PCDHGB2: variants seen among roughly 807,000 people sequenced by gnomAD.
The protein encoded by PCDHGB2 is protocadherin gamma subfamily B, 2.
In PCDHGB2, 55 loss-of-function variants were observed where a neutral mutation model predicts 59.3. That is an observed-to-expected ratio of 0.93 (90% CI 0.75 to 1.16). PCDHGB2 has a LOEUF of 1.16. Ranked by LOEUF, PCDHGB2 falls within the 50% of genes most tolerant of loss-of-function variation. The pLI is 0.00. For synonymous variants in PCDHGB2, 516 were observed against 512.0 expected (o/e 1.01, Z -0.11); for missense variants, 1,228 against 1,198.5 (o/e 1.02, Z -0.36).
intron 1 of PCDHGB2, among the ~76,000 whole-genome samples, chr5:141,363,216 T>A (rs1186029128): frequency 6.6e-6 from 1 of 152,230 alleles, no homozygotes; most frequent in African/African-American, 2.4e-5. Context: ...TTGAGAAAAA[T>A]CTTACAACCT....
At chr5:141,372,379 T>TA (rs1390677977) in intron 1 of PCDHGB2, 1 of 1,613,888 alleles carries the variant, frequency 6.2e-7, no homozygotes, top group Non-Finnish European at 8.5e-7. Context: ...ATGCTGCACC[T>TA]AATCTTCGCA....
At chr5:141,394,847 G>T in intron 1 of PCDHGB2, 1 of 1,613,848 alleles carries the variant, frequency 6.2e-7, no homozygotes, top group South Asian at 1.1e-5. Context: ...TGGGCAGTCT[G>T]AAGCCTTCGG....
chr5:141,478,642 T>A (rs777741719), intron 1 of PCDHGB2: 1 of 1,552,350 alleles, frequency 6.4e-7, no homozygotes, highest in South Asian at 1.2e-5. Context: ...GTGATGAAGA[T>A]GTTTTCCTGG....
chr5:141,451,301 G>T (rs963686418), intron 1 of PCDHGB2, among the ~76,000 whole-genome samples: 3 of 152,196 alleles, frequency 2.0e-5, no homozygotes, highest in Non-Finnish European at 4.4e-5. Flanking sequence ...AGTCTTACAA[G>T]GCAGCAATTA....
Position 141,491,454 on chromosome 5 carries a change from C to T in PCDHGB2, c.2422-3353C>T. The T allele has an allele frequency of 1.9e-6, 3 of 1,614,120 alleles. No individual in the cohort carries two copies. The highest frequency in any genetic ancestry group is 2.5e-6 in the Non-Finnish European group (3 of 1,180,032). On this transcript the variant is annotated intron_variant, in intron 1 of 3. Coordinates refer to ENST00000522605, the MANE Select transcript of PCDHGB2 (RefSeq NM_018923.3). This position sits in a 1 kb window ranked among gnomAD's most constrained non-coding sequence, Gnocchi z 6.9. ...GCTGCAGGCGCCAGGACTCACCCTCCCCGGACTTCTATAAGCAGTCCAGCC... is the reference window on the plus strand; with the variant it reads ...GCTGCAGGCGCCAGGACTCACCCTCTCCGGACTTCTATAAGCAGTCCAGCC...
chr5:141,469,553 G>A (rs989713451), intron 1 of PCDHGB2, among the ~76,000 whole-genome samples: 2 of 152,086 alleles, frequency 1.3e-5, no homozygotes, highest in African/African-American at 2.4e-5. Flanking sequence ...CCAGCCTGGC[G>A]ACAGAGTGAG....
At chr5:141,385,876 G>A (rs1395840676) in intron 1 of PCDHGB2, 1 of 152,842 alleles carries the variant, frequency 6.5e-6, no homozygotes, top group Non-Finnish European at 1.5e-5. Flanking sequence ...TTGGATTTAT[G>A]CCTAAAGAAT....
chr5:141,459,285 A>G (rs1316912878), intron 1 of PCDHGB2, among the ~76,000 whole-genome samples: 1 of 152,202 alleles, frequency 6.6e-6, no homozygotes, highest in Non-Finnish European at 1.5e-5. Context: ...TTTCATCTAA[A>G]TGGAATCCTA....
intron 1 of PCDHGB2, among the ~76,000 whole-genome samples, chr5:141,463,948 C>A (rs1397198849): frequency 6.6e-6 from 1 of 151,846 alleles, no homozygotes; most frequent in Non-Finnish European, 1.5e-5. Context: ...TAGAAATCTT[C>A]ATTTTTAAAA....
At chr5:141,458,987 C>A (rs2098958554) in intron 1 of PCDHGB2, among the ~76,000 whole-genome samples, 1 of 152,168 alleles carries the variant, frequency 6.6e-6, no homozygotes, top group Non-Finnish European at 1.5e-5. Context: ...CCTGCCTCAC[C>A]CTCCCAAAGT....
chr5:141,404,764 C>A lies in PCDHGB2; in HGVS notation c.2421+42208C>A, dbSNP rs371618979. 152 of 1,613,920 alleles carry A rather than the reference C, an allele frequency of 9.4e-5. 1 individual carries two copies. In the African/African-American group the frequency reaches 1.6e-3, roughly 17 times the overall value. ...GAGACTCAGGCCAGAATGCTTGGCT[C>A]TCCTACCGCCTATTCAAGGCCAGTG... On this transcript the variant is annotated intron_variant, in intron 1 of 3. Coordinates refer to ENST00000522605, the MANE Select transcript of PCDHGB2 (RefSeq NM_018923.3).
At chr5:141,421,080 C>CA (rs2096545590) in intron 1 of PCDHGB2, 1 of 638,250 alleles carries the variant, frequency 1.6e-6, no homozygotes, top group East Asian at 2.9e-5. Context: ...GATGGATACT[C>CA]ACAGATCCTG....
intron 2 of PCDHGB2, among the ~76,000 whole-genome samples, chr5:141,500,001 A>G (rs961582279): frequency 6.6e-5 from 10 of 151,914 alleles, no homozygotes; most frequent in African/African-American, 2.4e-4. Context: ...TGATTCTTTC[A>G]TAAGGTCCAC....
At chr5:141,451,060 C>T (rs1241509553) in intron 1 of PCDHGB2, among the ~76,000 whole-genome samples, 1 of 151,562 alleles carries the variant, frequency 6.6e-6, no homozygotes, top group African/African-American at 2.4e-5. Context: ...GAACTCCTGA[C>T]CTTGTGATCC....
At chr5:141,413,605 G>A in intron 1 of PCDHGB2, 1 of 1,613,854 alleles carries the variant, frequency 6.2e-7, no homozygotes, top group Non-Finnish European at 8.5e-7. Flanking sequence ...AAATCTAGAC[G>A]TAAAAATTAA....
chr5:141,422,959 C>T, intron 1 of PCDHGB2: 5 of 1,614,234 alleles, frequency 3.1e-6, no homozygotes, highest in African/African-American at 1.3e-5. Flanking sequence ...TGGCGTGGAG[C>T]TGGCGCCCCG....
chr5:141,445,584 G>A lies in PCDHGB2; in HGVS notation c.2422-49223G>A, dbSNP rs540956709. ...AGAAAGCTTATAGTAGGGAAGCTTC[G>A]CCTAATCTGAAGGTCAAGGAAGGCT... On this transcript the variant is annotated intron_variant, in intron 1 of 3. Transcript: ENST00000522605. Among the ~76,000 whole-genome samples, 116 of 152,286 alleles carry A rather than the reference G, an allele frequency of 7.6e-4. 2 individuals are homozygous for A. Among genetic ancestry groups the A allele is most frequent in the Non-Finnish European group, 2.4e-4 (16 of 68,024 alleles).
chr5:141,404,466 TCTCTATTAA>T, intron 1 of PCDHGB2: 5 of 1,613,558 alleles, frequency 3.1e-6, no homozygotes, highest in Non-Finnish European at 4.2e-6. Context: ...TCCACCTATG[TCTCTATTAA>T]CTCAGACACT....
intron 1 of PCDHGB2, chr5:141,410,095 C>T (rs2095356889): frequency 1.2e-6 from 2 of 1,612,676 alleles, no homozygotes; most frequent in Non-Finnish European, 1.7e-6. Flanking sequence ...CGGCTCGAGC[C>T]TTAGGCGACA....
Sources: gnomAD v4.1 joint callset for allele counts (sites outside exome capture counted in the v4.1 genomes callset) on GRCh38, gnomAD v4.1.1 for gene constraint, Gnocchi (gnomAD v3.1) non-coding constraint, MANE v1.5 for transcripts, NCBI Gene and HGNC (gene_info 2026-07-23, HGNC 2026-07-21) for gene names.